STAG1: variants seen among roughly 807,000 people sequenced by gnomAD.
STAG1 encodes STAG1 cohesin complex component.
STAG1 carries 26 observed loss-of-function variants against 170.9 expected under a neutral mutation model. The ratio of observed to expected loss-of-function variants is 0.15; its 90% confidence interval spans 0.11 to 0.21. STAG1 has a LOEUF of 0.21. Among genes scored for constraint, STAG1 ranks in the 10% least tolerant of loss-of-function variants. The pLI is 1.00. For synonymous variants in STAG1, 514 were observed against 497.7 expected, an observed-to-expected ratio of 1.03 and a Z score of -0.44; for missense variants, 964 against 1,509.5, an observed-to-expected ratio of 0.64 and a Z score of 5.99.
intron 1 of STAG1, among the ~76,000 whole-genome samples, chr3:136,717,562 G>A (rs1019605482): frequency 6.6e-6 from 1 of 152,192 alleles, no homozygotes; most frequent in Non-Finnish European, 1.5e-5. Flanking sequence ...TACGTGGGAG[G>A]CTGAGGCAGG....
intron 28 of STAG1, among the ~76,000 whole-genome samples, chr3:136,357,403 A>G (rs1189291415): frequency 3.3e-5 from 5 of 152,232 alleles, no homozygotes; most frequent in Non-Finnish European, 4.4e-5. Flanking sequence ...ATATAAAACT[A>G]AAATGAAATT....
At chr3:136,537,672 T>G (rs150129815) in intron 6 of STAG1, among the ~76,000 whole-genome samples, 1 of 151,996 alleles carries the variant, frequency 6.6e-6, no homozygotes, top group African/African-American at 2.4e-5. Flanking sequence ...ATTTTTTTAT[T>G]TTTAGTAGAG....
chr3:136,399,590 G>A lies in STAG1; in HGVS notation c.2197-761C>T, dbSNP rs541310800. Among the ~76,000 whole-genome samples, 456 of 152,214 alleles carry A rather than the reference G, an allele frequency of 3.0e-3. 2 individuals carry two copies. The highest frequency in any genetic ancestry group is 5.2e-3 in the Non-Finnish European group (354 of 68,018). ...AGTTTTTAGTTCCGTGTAATATTTA[G>A]AATACTCCCTATTCGTCTATCATTG... On this transcript the variant is annotated intron_variant, in intron 21 of 33. Coordinates refer to ENST00000383202, the MANE Select transcript of STAG1 (RefSeq NM_005862.3).
chr3:136,469,318 C>G (rs1387184376), intron 12 of STAG1, among the ~76,000 whole-genome samples: 1 of 152,160 alleles, frequency 6.6e-6, no homozygotes, highest in African/African-American at 2.4e-5. Flanking sequence ...ACAAAAATCA[C>G]AAGCATTCTT....
At chr3:136,555,095 TTTATAATATATATA>T (rs1240254820) in intron 5 of STAG1, among the ~76,000 whole-genome samples, 7 of 147,960 alleles carry the variant, frequency 4.7e-5, no homozygotes, top group African/African-American at 1.5e-4. Context: ...TATTTATATA[TTTATAATATATATA>T]TTATAAATAT....
chr3:136,549,777 T>C lies in STAG1; in HGVS notation c.395-7582A>G, dbSNP rs939405199. 2.0e-5 allele frequency among the ~76,000 whole-genome samples: 3 copies of C among 152,122 alleles called. No homozygotes were observed. The East Asian group carries it at 5.8e-4, about 29-fold the overall frequency. On this transcript the variant is annotated intron_variant, in intron 5 of 33. Transcript: ENST00000383202. The stretch of plus-strand genomic sequence containing the variant: ...TGATCTTACAGAAAAAGCTTTTAGA[T>C]TTTCACCATAGAATATGTTAGCAAT...
At chr3:136,678,116 C>T (rs1474760249) in intron 1 of STAG1, among the ~76,000 whole-genome samples, 2 of 150,134 alleles carry the variant, frequency 1.3e-5, no homozygotes, top group East Asian at 3.9e-4. Flanking sequence ...GTATCAATTG[C>T]CCCCATATTA....
At chr3:136,432,944 C>G (rs2088351205) in intron 16 of STAG1, among the ~76,000 whole-genome samples, 2 of 151,900 alleles carry the variant, frequency 1.3e-5, no homozygotes, top group African/African-American at 4.8e-5. Context: ...GAAGCTCTAT[C>G]AATTTTTCAG....
At chr3:136,745,009 A>T (rs1221020453) in intron 1 of STAG1, among the ~76,000 whole-genome samples, 3 of 152,154 alleles carry the variant, frequency 2.0e-5, no homozygotes, top group African/African-American at 7.2e-5. Flanking sequence ...AGATCAGAAA[A>T]TATCAGAGTG....
chr3:136,383,683 C>T (rs1012879071), intron 22 of STAG1, among the ~76,000 whole-genome samples: 14 of 152,072 alleles, frequency 9.2e-5, no homozygotes, highest in African/African-American at 2.7e-4. Flanking sequence ...CGGCCAGGCG[C>T]GGTGGCTCAC....
At position 136,452,072 on chromosome 3, in the gene STAG1, G is replaced by A. The variant is rs762532789; in HGVS notation, c.1389C>T (p.Asn463=). The change falls in exon 14 of 34, where the codon AAC becomes AAT. Residue 463 remains asparagine (N), a synonymous_variant. Coordinates refer to ENST00000383202, the MANE Select transcript of STAG1 (RefSeq NM_005862.3). ...KRRGRNSPNG[N]LIRMLVLFFL... Reference sequence around the variant, plus strand: ...AGAAAAGAACCAGCATCCTAATGAGGTTTCCATTCGGGCTGTTTCTTCCCC... The same window carrying A: ...AGAAAAGAACCAGCATCCTAATGAGATTTCCATTCGGGCTGTTTCTTCCCC... 1.7e-5 allele frequency: 28 copies of A among 1,613,178 alleles called. No individual in the cohort carries two copies. Among genetic ancestry groups the A allele is most frequent in the South Asian group, 1.1e-5 (1 of 91,052 alleles).
chr3:136,438,467 C>T (rs1004173063), intron 15 of STAG1, among the ~76,000 whole-genome samples: 5 of 152,008 alleles, frequency 3.3e-5, no homozygotes, highest in East Asian at 3.9e-4. Flanking sequence ...ACAAGTGATC[C>T]GCCCGCCTTG....
chr3:136,454,655 T>C (rs759612676), intron 13 of STAG1, among the ~76,000 whole-genome samples: 1 of 152,110 alleles, frequency 6.6e-6, no homozygotes, highest in Non-Finnish European at 1.5e-5. Flanking sequence ...GCTGGGATTA[T>C]GGGGATGAGC....
rs35713077 is a variant in STAG1 at position 136,615,424 on chromosome 3, CAAAAAAAAAAAAAA to C, written c.132+7708_132+7721del. On this transcript the variant is annotated intron_variant, in intron 3 of 33. Transcript: ENST00000383202. ...GCCTGGGTGACAACAAGACTTTGTC[CAAAAAAAAAAAAAA>C]AAAAAAAAAAAAAGGAGTGGGGGCA... Among the ~76,000 whole-genome samples, 18 of 33,262 alleles carry C rather than the reference CAAAAAAAAAAAAAA, an allele frequency of 5.4e-4. No individual in the cohort carries two copies. The South Asian group carries it at 0.012, about 23-fold the overall frequency. The allele number at this position is 33,262 out of a possible 152,430, so 21.8% of individuals were successfully genotyped here.
rs547407532 is a variant in STAG1, at chr3:136,416,305, CCCTA to C, written c.2196+1576_2196+1579del. 2.6e-5 allele frequency among the ~76,000 whole-genome samples: 4 copies of C among 152,250 alleles called. No individual in the cohort carries two copies. In the South Asian group the frequency reaches 8.3e-4, roughly 32 times the overall value. On this transcript the variant is annotated intron_variant, in intron 21 of 33. Coordinates refer to ENST00000383202, the MANE Select transcript of STAG1 (RefSeq NM_005862.3). Reference sequence around the variant, plus strand: ...ACAGGTGTGAGCCACCGCGCCCAGCCCCTAAAGCCACAAAACTTTTAATGTCACA... The same window carrying C: ...ACAGGTGTGAGCCACCGCGCCCAGCCAAGCCACAAAACTTTTAATGTCACA...
At chr3:136,644,196 C>A (rs1010519439) in intron 1 of STAG1, among the ~76,000 whole-genome samples, 2 of 152,034 alleles carry the variant, frequency 1.3e-5, no homozygotes, top group Non-Finnish European at 2.9e-5. Flanking sequence ...TGCTTCACTA[C>A]TATAAGAAAA....
At chr3:136,450,568 G>T (rs2088907448) in intron 14 of STAG1, among the ~76,000 whole-genome samples, 1 of 152,118 alleles carries the variant, frequency 6.6e-6, no homozygotes, top group Non-Finnish European at 1.5e-5. Flanking sequence ...ACCTGTTTGT[G>T]TCTCTCTTCC....
chr3:136,642,209 C>T (rs1159175377), intron 1 of STAG1, among the ~76,000 whole-genome samples: 1 of 151,084 alleles, frequency 6.6e-6, no homozygotes, highest in Non-Finnish European at 1.5e-5. Flanking sequence ...ATTTGCATAT[C>T]CCATAGAGTT....
intron 19 of STAG1, among the ~76,000 whole-genome samples, 193 bp from the exon 20 acceptor site, chr3:136,421,356 T>C (rs1318901870): frequency 1.3e-5 from 2 of 152,180 alleles, no homozygotes; most frequent in African/African-American, 2.4e-5. Flanking sequence ...GCATTTTAAA[T>C]AATGTTGTGA....
Sources: allele counts gnomAD v4.1 joint callset (sites outside exome capture counted in the v4.1 genomes callset), GRCh38; gene constraint gnomAD v4.1.1; transcripts MANE v1.5; gene names NCBI Gene and HGNC (gene_info 2026-07-23, HGNC 2026-07-21).